The following TBCD variants were observed in gnomAD, a reference collection of about 807,000 sequenced individuals.
TBCD encodes the protein tubulin folding cofactor D, also known as tubulin-specific chaperone D.
Under a neutral mutation model 169.3 loss-of-function variants are expected in TBCD, and 105 were observed. The ratio of observed to expected loss-of-function variants is 0.62; its 90% CI spans 0.53 to 0.73. The LOEUF (loss-of-function observed/expected upper bound fraction) is 0.73. Among genes scored for constraint, TBCD ranks in the 30% least tolerant of loss-of-function variants. The probability of loss-of-function intolerance (pLI) is 0.00; values close to 1 mark genes in which losing one functional copy is unlikely to be tolerated. For missense variants in TBCD, 1,444 were observed against 1,600.1 expected (o/e 0.90, Z 1.66); for synonymous variants, 700 against 643.9 (o/e 1.09, Z -1.32).
intron 13 of TBCD, among the ~76,000 whole-genome samples, chr17:82,842,390 C>T (rs1027777638): frequency 4.6e-5 from 7 of 152,190 alleles, no homozygotes; most frequent in African/African-American, 1.7e-4. Flanking sequence ...CCTCTCTCCC[C>T]CTCTCTCCCT....
In TBCD at chr17:82,781,676, G is replaced by C; in HGVS notation, c.726G>C (p.Gln242His). The C allele has an allele frequency of 6.2e-7, 1 of 1,613,886 alleles. No homozygotes were observed. The highest frequency in any genetic ancestry group is 8.5e-7 in the Non-Finnish European group (1 of 1,179,884). Reference sequence around the variant, plus strand: ...GCAATCTGGCCCGTTCCTCCTTCCAGACCATGCAGGGGGTCATCACCATGG... The same window carrying C: ...GCAATCTGGCCCGTTCCTCCTTCCACACCATGCAGGGGGTCATCACCATGG... Reference protein sequence around the residue: ...SLCNLARSSFQTMQGVITMDG... With the variant: ...SLCNLARSSFHTMQGVITMDG... The change falls in exon 7 of 39, where the codon CAG (glutamine) becomes CAC (histidine). Residue 242 changes from glutamine to histidine, a missense_variant. Physicochemically the swap from Gln to His is conservative, Grantham distance 24 (BLOSUM62 0). Coordinates refer to ENST00000355528, the MANE Select transcript of TBCD (RefSeq NM_005993.5).
In TBCD at chr17:82,909,270, G is replaced by GT; in HGVS notation, c.1984-9dup. The GT allele has an allele frequency of 2.0e-6, 3 of 1,503,790 alleles. No homozygotes were observed. The highest frequency in any genetic ancestry group is 1.4e-5 in the African/African-American group (1 of 72,400). The allele number at this position is 1,503,790 out of a possible 1,614,324, so 93.2% of individuals were successfully genotyped here. A position where few individuals can be genotyped will look rare whatever the true frequency, so the allele number is the denominator to read the frequency against. ...AATTTAAATCATTAAATAACTTTCAGTTTTTTATTTTCAGCTCTATGATCG... is the reference window on the plus strand; with the variant it reads ...AATTTAAATCATTAAATAACTTTCAGTTTTTTTATTTTCAGCTCTATGATCG... On this transcript the variant is annotated splice_polypyrimidine_tract_variant and intron_variant, in intron 21 of 38. Transcript: ENST00000355528.
intron 26 of TBCD, among the ~76,000 whole-genome samples, chr17:82,924,527 G>A (rs1415067196): frequency 6.6e-6 from 1 of 152,166 alleles, no homozygotes; most frequent in Admixed American, 6.5e-5. Flanking sequence ...GGCCCACAGT[G>A]TTCCTTTATG....
chr17:82,770,397 C>T (rs1399795476), intron 5 of TBCD, among the ~76,000 whole-genome samples: 1 of 151,302 alleles, frequency 6.6e-6, no homozygotes, highest in East Asian at 2.0e-4. Flanking sequence ...GTCAGGAATT[C>T]GAGACCAGCC....
intron 5 of TBCD, among the ~76,000 whole-genome samples, chr17:82,769,235 T>G (rs1158756340): frequency 1.3e-5 from 2 of 152,208 alleles, no homozygotes; most frequent in African/African-American, 4.8e-5. Flanking sequence ...GAGGCCACCC[T>G]CAGTTCTTTG....
chr17:82,876,036 A>G (rs1034993036), intron 14 of TBCD, among the ~76,000 whole-genome samples: 4 of 152,340 alleles, frequency 2.6e-5, no homozygotes, highest in South Asian at 2.1e-4. Flanking sequence ...CTGACTTTCA[A>G]ATGACACAGA....
At chr17:82,838,878 G>A (rs950555640) in intron 13 of TBCD, 2 of 985,310 alleles carry the variant, frequency 2.0e-6, no homozygotes, top group African/African-American at 3.5e-5. Context: ...GCCTCATCCT[G>A]AAACTCCGGT....
Position 82,939,388 on chromosome 17 carries a change from C to A in TBCD, c.3391C>A (p.Gln1131Lys), listed in dbSNP as rs2062927663. The stretch of plus-strand genomic sequence containing the variant: ...CCAGATCCGGAAGACCACGGCCAGC[C>A]AGGTGTACGAGACATTGCTCACCTA... ...FPLIRKTTAS[Q>K]VYETLLTYSD... Residue 1131 changes from glutamine to lysine, a missense_variant, in exon 37 of 39, where the codon CAG becomes AAG. Physicochemically the swap from Gln to Lys is moderately conservative, Grantham distance 53 (BLOSUM62 1). Transcript: ENST00000355528. 6.2e-7 allele frequency: 1 copy of A among 1,612,906 alleles called. No homozygotes were observed. The highest frequency in any genetic ancestry group is 8.5e-7 in the Non-Finnish European group (1 of 1,179,714).
intron 1 of TBCD, among the ~76,000 whole-genome samples, chr17:82,753,047 T>C (rs912006593): frequency 6.6e-6 from 1 of 152,236 alleles, no homozygotes; most frequent in Non-Finnish European, 1.5e-5. Context: ...TACCGCTGTC[T>C]ATAATGGGTT....
Position 82,943,843 on chromosome 17 carries a change from C to G in TBCD, c.*1380C>G, listed in dbSNP as rs1312295216. On this transcript the variant is annotated 3_prime_UTR_variant, in exon 39 of 39. Transcript: ENST00000355528. ...CAACCTGTGTAATAGGGGTCTCCTCCTCCTTGAACTGTCCCGATTGGCTGG... is the reference window on the plus strand; with the variant it reads ...CAACCTGTGTAATAGGGGTCTCCTCGTCCTTGAACTGTCCCGATTGGCTGG... The G allele has an allele frequency of 6.6e-6, 1 of 152,268 alleles. No individual in the cohort carries two copies. Among genetic ancestry groups the G allele is most frequent in the Non-Finnish European group, 1.5e-5 (1 of 68,080 alleles). 9.4% of individuals were successfully genotyped at this position (152,268 alleles called of 1,614,324 possible).
intron 13 of TBCD, among the ~76,000 whole-genome samples, chr17:82,863,865 G>T (rs2056969637): frequency 6.6e-6 from 1 of 152,178 alleles, no homozygotes; most frequent in Non-Finnish European, 1.5e-5. Context: ...CAGGGGCCCA[G>T]TTCAGTCCTG....
chr17:82,944,268 C>CTCTT lies in TBCD; in HGVS notation c.*1808_*1811dup, dbSNP rs3217702. On this transcript the variant is annotated 3_prime_UTR_variant, in exon 39 of 39. Transcript: ENST00000355528. ...AGTGGATCACTCCACTGGCCACTGCCTCTTTCCCACTGGATCCCATCCATC... is the reference window on the plus strand; with the variant it reads ...AGTGGATCACTCCACTGGCCACTGCCTCTTTCTTTCCCACTGGATCCCATCCATC... 0.43 allele frequency: 64,541 copies of CTCTT among 151,656 alleles called. 14,622 individuals are homozygous for CTCTT. The highest frequency in any genetic ancestry group is 0.6 in the East Asian group (3,060 of 5,112). 9.4% of individuals were successfully genotyped at this position (151,656 alleles called of 1,614,324 possible).
intron 15 of TBCD, among the ~76,000 whole-genome samples, chr17:82,886,948 C>T (rs549764691): frequency 1.5e-4 from 23 of 151,712 alleles, no homozygotes; most frequent in African/African-American, 5.1e-4. Flanking sequence ...GGATTACAGA[C>T]GTGAGCCACT....
Position 82,920,703 on chromosome 17 carries a change from G to A in TBCD, c.2101+85G>A. ...TAAAAATGAACCTGTTAGGATGGGG[G>A]CGATAAACGATTATAGCTTAAAGGT... On this transcript the variant is annotated intron_variant, in intron 24 of 38. Coordinates refer to ENST00000355528, the MANE Select transcript of TBCD (RefSeq NM_005993.5). The surrounding 1 kb of genome is among the most constrained non-coding windows in gnomAD (Gnocchi z 4.1). The A allele has an allele frequency of 1.7e-6, 2 of 1,180,274 alleles. No homozygotes were observed. Among genetic ancestry groups the A allele is most frequent in the Admixed American group, 4.9e-5 (2 of 40,578 alleles). The allele number at this position is 1,180,274 out of a possible 1,614,324, so 73.1% of individuals were successfully genotyped here.
Position 82,831,152 on chromosome 17 carries a change from T to C in TBCD, c.1318+16218T>C. ...CCCAGTGCGCTGGAGGCTGCCTTGT[T>C]GGAGAGGTCGTACAGGCCTTCGCAG... On this transcript the variant is annotated intron_variant, in intron 13 of 38. Coordinates refer to ENST00000355528, the MANE Select transcript of TBCD (RefSeq NM_005993.5). This position sits in a 1 kb window ranked among gnomAD's most constrained non-coding sequence, Gnocchi z 4.6. 6.2e-7 allele frequency: 1 copy of C among 1,614,120 alleles called. No homozygotes were observed. The highest frequency in any genetic ancestry group is 8.5e-7 in the Non-Finnish European group (1 of 1,180,030).
At chr17:82,818,057 T>C (rs1335110082) in intron 13 of TBCD, among the ~76,000 whole-genome samples, 1 of 152,212 alleles carries the variant, frequency 6.6e-6, no homozygotes, top group African/African-American at 2.4e-5. Context: ...CTTGTGTGTG[T>C]GCTCTGTCAT....
intron 13 of TBCD, among the ~76,000 whole-genome samples, chr17:82,850,052 TGTTGG>T (rs2055572487): frequency 6.7e-5 from 3 of 44,636 alleles, no homozygotes; most frequent in Non-Finnish European, 1.4e-4. Context: ...GCTGTGCTGT[TGTTGG>T]CTGTGCTGCT....
At chr17:82,797,832 T>G in intron 8 of TBCD, 30 bp downstream of exon 8, 2 of 1,540,518 alleles carry the variant, frequency 1.3e-6, no homozygotes, top group Non-Finnish European at 1.8e-6. Flanking sequence ...GACGATATCT[T>G]TGTGATGTGA....
intron 7 of TBCD, among the ~76,000 whole-genome samples, chr17:82,785,676 A>G (rs2677918): frequency 7.6e-5 from 4 of 52,618 alleles, no homozygotes; most frequent in African/African-American, 2.1e-4. Context: ...ACTGGATCCC[A>G]CCCATCGCAG....
Sources: allele counts gnomAD v4.1 joint callset (sites outside exome capture counted in the v4.1 genomes callset), GRCh38; gene constraint gnomAD v4.1.1; non-coding constraint Gnocchi (gnomAD v3.1); transcripts MANE v1.5; gene names NCBI Gene and HGNC (gene_info 2026-07-23, HGNC 2026-07-21).